The following LYPD6 variants were observed in gnomAD, a reference collection of about 807,000 sequenced individuals.
The protein encoded by LYPD6 is ly6/PLAUR domain-containing protein 6.
LYPD6 carries 15 observed loss-of-function variants against 22.7 expected under a neutral mutation model. The ratio of observed to expected loss-of-function variants is 0.66; its 90% CI spans 0.44 to 1.02. The LOEUF (loss-of-function observed/expected upper bound fraction) is 1.02. Among genes scored for constraint, LYPD6 ranks in the 50% least tolerant of loss-of-function variants. LYPD6 has a pLI of 0.00. For synonymous variants in LYPD6, 72 were observed against 77.5 expected (o/e 0.93, Z 0.37); for missense variants, 189 against 208.4 (o/e 0.91, Z 0.57).
chr2:149,435,746 C>A (rs920126118), intron 1 of LYPD6, among the ~76,000 whole-genome samples: 1 of 152,222 alleles, frequency 6.6e-6, no homozygotes, highest in Non-Finnish European at 1.5e-5. Flanking sequence ...GGCCCATTCT[C>A]TTCCTGAATG....
At chr2:149,355,047 AG>A (rs1196615485) in intron 1 of LYPD6, among the ~76,000 whole-genome samples, 1 of 152,206 alleles carries the variant, frequency 6.6e-6, no homozygotes, top group Non-Finnish European at 1.5e-5. Context: ...TTTAATTAAA[AG>A]TTGTTTAATT....
At chr2:149,469,677 G>A (rs924127445) in intron 4 of LYPD6, among the ~76,000 whole-genome samples, 1 of 152,090 alleles carries the variant, frequency 6.6e-6, no homozygotes, top group African/African-American at 2.4e-5. Context: ...AAAACCAAAG[G>A]CTTTCCCTGA....
intron 1 of LYPD6, among the ~76,000 whole-genome samples, chr2:149,342,441 T>C (rs1466445621): frequency 3.9e-5 from 6 of 152,228 alleles, no homozygotes; most frequent in Non-Finnish European, 8.8e-5. Flanking sequence ...GATATTCTTT[T>C]TCTCTGTGTC....
At chr2:149,470,047 G>C (rs1213330809) in intron 4 of LYPD6, among the ~76,000 whole-genome samples, 1 of 152,178 alleles carries the variant, frequency 6.6e-6, no homozygotes, top group African/African-American at 2.4e-5. Flanking sequence ...GCTGATGTTG[G>C]AGCTGCTGGT....
chr2:149,386,852 G>GA (rs1332146740), intron 1 of LYPD6, among the ~76,000 whole-genome samples: 10 of 152,120 alleles, frequency 6.6e-5, no homozygotes, highest in Non-Finnish European at 1.3e-4. Context: ...TATAGACAAT[G>GA]AAAAAAATTG....
At chr2:149,419,822 T>G (rs1231618487) in intron 1 of LYPD6, among the ~76,000 whole-genome samples, 1 of 140,338 alleles carries the variant, frequency 7.1e-6, no homozygotes, top group Non-Finnish European at 1.5e-5. Flanking sequence ...CTACAATATG[T>G]GCTCAGGGTG....
At chr2:149,343,351 C>A (rs1681197611) in intron 1 of LYPD6, among the ~76,000 whole-genome samples, 1 of 152,140 alleles carries the variant, frequency 6.6e-6, no homozygotes, top group African/African-American at 2.4e-5. Flanking sequence ...ACTTTTCGAT[C>A]CTATCTGATT....
At chr2:149,419,843 TGTGTG>T (rs1683041486) in intron 1 of LYPD6, among the ~76,000 whole-genome samples, 1 of 152,134 alleles carries the variant, frequency 6.6e-6, no homozygotes, top group Non-Finnish European at 1.5e-5. Flanking sequence ...TGTGTGTGTG[TGTGTG>T]TGTCTGTGTT....
At chr2:149,398,867 T>C (rs1390040570) in intron 1 of LYPD6, among the ~76,000 whole-genome samples, 1 of 152,058 alleles carries the variant, frequency 6.6e-6, no homozygotes, top group African/African-American at 2.4e-5. Flanking sequence ...TTGCAAAAAA[T>C]GAAGTTTTCT....
chr2:149,470,868 G>A lies in LYPD6; in HGVS notation c.*18G>A, dbSNP rs1177116887. 2 of 1,603,202 alleles carry A rather than the reference G, an allele frequency of 1.2e-6. No homozygotes were observed. Among genetic ancestry groups the A allele is most frequent in the African/African-American group, 1.3e-5 (1 of 74,804 alleles). ...TGTTATAGTGGCTCAGTGGCTCCATGTGTTAATAGCGATCCATGGGGATCT... is the reference window on the plus strand; with the variant it reads ...TGTTATAGTGGCTCAGTGGCTCCATATGTTAATAGCGATCCATGGGGATCT... On this transcript the variant is annotated 3_prime_UTR_variant, in exon 5 of 5. Coordinates refer to ENST00000334166, the MANE Select transcript of LYPD6 (RefSeq NM_194317.5).
chr2:149,422,126 C>T (rs1683094858), intron 1 of LYPD6, among the ~76,000 whole-genome samples: 1 of 152,174 alleles, frequency 6.6e-6, no homozygotes, highest in Admixed American at 6.5e-5. Context: ...GTGCCTTCTT[C>T]ACCTACTGTG....
At chr2:149,382,998 A>C (rs1307888219) in intron 1 of LYPD6, among the ~76,000 whole-genome samples, 1 of 152,136 alleles carries the variant, frequency 6.6e-6, no homozygotes, top group Non-Finnish European at 1.5e-5. Context: ...GTCTATAAAA[A>C]ATTCTAATAA....
intron 1 of LYPD6, among the ~76,000 whole-genome samples, chr2:149,360,248 G>A (rs574031730): frequency 6.6e-6 from 1 of 152,200 alleles, no homozygotes; most frequent in African/African-American, 2.4e-5. Context: ...GTTTTGGCTA[G>A]CTTCTTTACC....
chr2:149,376,741 C>T (rs535368010), intron 1 of LYPD6, among the ~76,000 whole-genome samples: 1 of 152,138 alleles, frequency 6.6e-6, no homozygotes, highest in African/African-American at 2.4e-5. Flanking sequence ...CAACTTAATC[C>T]AGGGACGCAT....
At chr2:149,451,163 ACT>A (rs1246756899) in intron 3 of LYPD6, among the ~76,000 whole-genome samples, 1 of 152,020 alleles carries the variant, frequency 6.6e-6, no homozygotes, top group East Asian at 1.9e-4. Flanking sequence ...AAGGGCATAG[ACT>A]CTCTGCTTTC....
chr2:149,477,468 C>G (rs10183387), downstream of LYPD6, among the ~76,000 whole-genome samples: 1 of 151,706 alleles, frequency 6.6e-6, no homozygotes, highest in African/African-American at 2.4e-5. Flanking sequence ...ACTAAAAAAA[C>G]AAAAATTAGC....
At chr2:149,443,798 CA>C (rs1427652866) in intron 2 of LYPD6, among the ~76,000 whole-genome samples, 5 of 151,836 alleles carry the variant, frequency 3.3e-5, no homozygotes, top group Non-Finnish European at 1.5e-5. Context: ...ACCACCACAA[CA>C]AAGCAATTAT....
intron 1 of LYPD6, among the ~76,000 whole-genome samples, chr2:149,333,689 G>A (rs763553698): frequency 1.5e-4 from 23 of 152,268 alleles, no homozygotes; most frequent in Non-Finnish European, 2.8e-4. Context: ...GAAGTTTACC[G>A]TCTGGTGCCT....
At chr2:149,397,266 C>T (rs1682447685) in intron 1 of LYPD6, among the ~76,000 whole-genome samples, 1 of 152,186 alleles carries the variant, frequency 6.6e-6, no homozygotes, top group South Asian at 2.1e-4. Context: ...CAGATAGCAG[C>T]AGTGGCTGGA....
Sources: allele counts gnomAD v4.1 joint callset (sites outside exome capture counted in the v4.1 genomes callset), GRCh38; gene constraint gnomAD v4.1.1; transcripts MANE v1.5; gene names NCBI Gene and HGNC (gene_info 2026-07-23, HGNC 2026-07-21).